MYL3: variants seen among roughly 807,000 people sequenced by gnomAD.
The protein encoded by MYL3 is myosin light chain 3, also known as CMLC1.
Under a neutral mutation model 21.3 loss-of-function variants are expected in MYL3, and 11 were observed. The observed-to-expected ratio is 0.52, with a 90% CI of 0.32 to 0.85. The LOEUF is 0.85. Among genes scored for constraint, MYL3 ranks in the 40% least tolerant of loss-of-function variants. The pLI is 0.03. For missense variants in MYL3, 206 were observed against 253.3 expected (o/e 0.81, Z 1.27); for synonymous variants, 88 against 91.6 (o/e 0.96, Z 0.22).
chr3:46,877,822 T>G (rs1222436012), intron 1 of MYL3: 1 of 152,244 alleles, frequency 6.6e-6, no homozygotes, highest in South Asian at 2.1e-4. Flanking sequence ...TAGGCCCGAC[T>G]TGGAAGGCCC....
At chr3:46,880,338 T>C (rs2030475147) in intron 1 of MYL3, 1 of 152,244 alleles carries the variant, frequency 6.6e-6, no homozygotes, top group African/African-American at 2.4e-5. Context: ...AGACAGTTCC[T>C]GTTAGGGAGA....
At chr3:46,864,237 A>C (rs1289534057), upstream of MYL3, among the ~76,000 whole-genome samples, 1 of 151,806 alleles carries the variant, frequency 6.6e-6, no homozygotes, top group Non-Finnish European at 1.5e-5. The surrounding 1 kb of genome is among the most constrained non-coding windows in gnomAD (Gnocchi z 4.7). Flanking sequence ...CTGGGTGTTT[A>C]CATGTGTCTG....
chr3:46,858,916 C>G (rs903125553), intron 4 of MYL3, among the ~76,000 whole-genome samples: 7 of 152,148 alleles, frequency 4.6e-5, no homozygotes, highest in Non-Finnish European at 4.4e-5. Flanking sequence ...CGCAGCTCCC[C>G]CTTCTTACCC....
Position 46,859,604 on chromosome 3 carries a change from G to A in MYL3, c.352C>T (p.Leu118Phe). 1 of 1,614,244 alleles carries A rather than the reference G, an allele frequency of 6.2e-7. No individual in the cohort carries two copies. ...TCCTTGTTCTTGGAAATGTGCTGGA[G>A]CATAGGCAGGAAAGTTTCAAAGTCC... ...MMDFETFLPMLQHISKNKDTG... is the reference protein window; with the variant it reads ...MMDFETFLPMFQHISKNKDTG... The change falls in exon 4 of 7, where the codon CTC (leucine) becomes TTC (phenylalanine). Residue 118 changes from leucine to phenylalanine, a missense_variant. By Grantham distance (22) the Leu-to-Phe change is conservative. Coordinates refer to ENST00000292327, the MANE Select transcript of MYL3 (RefSeq NM_000258.3). This position sits in a 1 kb window ranked among gnomAD's most constrained non-coding sequence, Gnocchi z 4.1.
upstream of MYL3, among the ~76,000 whole-genome samples, chr3:46,865,827 A>G (rs2106917685): frequency 6.6e-6 from 1 of 152,270 alleles, no homozygotes; most frequent in South Asian, 2.1e-4. This position sits in a 1 kb window ranked among gnomAD's most constrained non-coding sequence, Gnocchi z 4.3. Context: ...GTGGTCCTGC[A>G]GCAGGGACAG....
upstream of MYL3, chr3:46,863,551 G>T: frequency 1.3e-6 from 1 of 744,430 alleles, no homozygotes. Context: ...ATATGGCTAG[G>T]CTTAGGGGCT....
rs916299448 is a variant in MYL3 at position 46,860,361 on chromosome 3, A to C, written c.307+315T>G. ...CAGGCTGGTCTCACTCCTGGCCTCA[A>C]GTGATCCTCCCAAAGCATTGGGATG... On this transcript the variant is annotated intron_variant, in intron 3 of 6. Coordinates refer to ENST00000292327, the MANE Select transcript of MYL3 (RefSeq NM_000258.3). This position sits in a 1 kb window ranked among gnomAD's most constrained non-coding sequence, Gnocchi z 4.6. Among the ~76,000 whole-genome samples the C allele has an allele frequency of 6.6e-6, 1 of 152,108 alleles. No individual in the cohort carries two copies. Among genetic ancestry groups the C allele is most frequent in the Non-Finnish European group, 1.5e-5 (1 of 68,002 alleles).
intron 1 of MYL3, among the ~76,000 whole-genome samples, chr3:46,878,628 G>A (rs2030374888): frequency 6.6e-6 from 1 of 152,218 alleles, no homozygotes; most frequent in African/African-American, 2.4e-5. Flanking sequence ...GGTTTTCTGA[G>A]GGAGGAAGGC....
intron 1 of MYL3, among the ~76,000 whole-genome samples, chr3:46,875,606 C>T (rs1347296178): frequency 6.6e-6 from 1 of 152,236 alleles, no homozygotes; most frequent in Admixed American, 6.5e-5. Context: ...ACCTCCACCA[C>T]CTCCCTGGAT....
rs575062205 is a variant in MYL3, at chr3:46,879,988, G to A, written c.-218+2086C>T. ...CGGGAGGTGGAGGTTGCAGTCAGCCGAGATCGCACCACTGCACTCCAGCCT... is the reference window on the plus strand; with the variant it reads ...CGGGAGGTGGAGGTTGCAGTCAGCCAAGATCGCACCACTGCACTCCAGCCT... On this transcript the variant is annotated intron_variant, in intron 1 of 3. Coordinates refer to the MYL3 transcript ENST00000431168. This position sits in a 1 kb window ranked among gnomAD's most constrained non-coding sequence, Gnocchi z 4.7. Among the ~76,000 whole-genome samples, 3 of 150,992 alleles carry A rather than the reference G, an allele frequency of 2.0e-5. No homozygotes were observed. The highest frequency in any genetic ancestry group is 2.1e-4 in the South Asian group (1 of 4,748).
At chr3:46,869,312 C>T (rs184508703) in intron 1 of MYL3, among the ~76,000 whole-genome samples, 182 of 152,314 alleles carry the variant, frequency 1.2e-3, no homozygotes, top group Admixed American at 3.9e-3. Context: ...GGCTCAGCAG[C>T]GGCCTGAAAT....
At chr3:46,858,552 A>G in intron 4 of MYL3, 91 bp from the exon 5 acceptor site, 1 of 1,235,156 alleles carries the variant, frequency 8.1e-7, no homozygotes, top group Non-Finnish European at 1.2e-6. Flanking sequence ...TGGTGGCTCA[A>G]CCTCTCCAGT....
chr3:46,867,870 TAGA>T (rs1324619854), upstream of MYL3, among the ~76,000 whole-genome samples: 2 of 152,222 alleles, frequency 1.3e-5, no homozygotes, highest in Non-Finnish European at 2.9e-5. Context: ...TGTGTCCACA[TAGA>T]TGTGAACCCA....
intron 1 of MYL3, among the ~76,000 whole-genome samples, chr3:46,873,339 C>G (rs113301849): frequency 3.3e-4 from 50 of 152,326 alleles, no homozygotes; most frequent in African/African-American, 1.1e-3. Context: ...TTGGCTCCCC[C>G]AAACTCTTGA....
rs1701964142 is a variant in MYL3, at chr3:46,859,220, A to AG, written c.481+254dup. Among the ~76,000 whole-genome samples, 1 of 152,068 alleles carries AG rather than the reference A, an allele frequency of 6.6e-6. No homozygotes were observed. ...ACGGTGGCCTGGAGTCGTGGGAAGG[A>AG]GGGGAGCATATCAAGACGGCTCCTT... On this transcript the variant is annotated intron_variant, in intron 4 of 6. Transcript: ENST00000292327. The surrounding 1 kb of genome is among the most constrained non-coding windows in gnomAD (Gnocchi z 4.1).
intron 1 of MYL3, among the ~76,000 whole-genome samples, chr3:46,871,850 T>C (rs2029933810): frequency 6.6e-6 from 1 of 151,934 alleles, no homozygotes; most frequent in Non-Finnish European, 1.5e-5. Flanking sequence ...TGGAGCTCGG[T>C]TGGATGAGAA....
chr3:46,882,170 G>C (rs1391336819), upstream of MYL3: 5 of 151,784 alleles, frequency 3.3e-5, no homozygotes, highest in Admixed American at 6.5e-5. This position sits in a 1 kb window ranked among gnomAD's most constrained non-coding sequence, Gnocchi z 4.3. Context: ...CTCCCGCGTC[G>C]GCGGCTGCGG....
At chr3:46,867,869 A>G (rs1439366232), upstream of MYL3, among the ~76,000 whole-genome samples, 1 of 152,242 alleles carries the variant, frequency 6.6e-6, no homozygotes, top group Non-Finnish European at 1.5e-5. Context: ...GTGTGTCCAC[A>G]TAGATGTGAA....
rs1382016058 is a variant in MYL3, at chr3:46,878,814, C to T, written c.-218+3260G>A. 2.6e-5 allele frequency among the ~76,000 whole-genome samples: 4 copies of T among 152,100 alleles called. 1 individual carries two copies. Among genetic ancestry groups the T allele is most frequent in the African/African-American group, 9.7e-5 (4 of 41,410 alleles). On this transcript the variant is annotated intron_variant, in intron 1 of 3. Transcript: ENST00000431168. The stretch of plus-strand genomic sequence containing the variant: ...AGCAGGGGTGGGGCCAGAGTCTGGC[C>T]CCTACTGCAGTTCTGAGATCCAGTG...
Sources: gnomAD v4.1 joint callset for allele counts (sites outside exome capture counted in the v4.1 genomes callset) on GRCh38, gnomAD v4.1.1 for gene constraint, Gnocchi (gnomAD v3.1) non-coding constraint, MANE v1.5 for transcripts, NCBI Gene and HGNC (gene_info 2026-07-23, HGNC 2026-07-21) for gene names.